RARB: variants seen among roughly 807,000 people sequenced by gnomAD.
RARB encodes HBV-activated protein.
RARB carries 17 observed loss-of-function variants against 51.9 expected under a neutral mutation model. The observed-to-expected ratio is 0.33, with a 90% CI of 0.22 to 0.49. RARB has a LOEUF of 0.49. RARB is among the 20% of genes least tolerant of loss of function. The pLI, the probability that RARB is intolerant of heterozygous loss-of-function variation, is 0.99. For synonymous variants in RARB, 215 were observed against 195.4 expected, an observed-to-expected ratio of 1.10 and a Z score of -0.84; for missense variants, 369 against 550.8, an observed-to-expected ratio of 0.67 and a Z score of 3.30.
intron 5 of RARB, among the ~76,000 whole-genome samples, chr3:25,421,870 A>G (rs936048314): frequency 6.6e-6 from 1 of 152,190 alleles, no homozygotes; most frequent in Non-Finnish European, 1.5e-5. Flanking sequence ...GTTTAAACAC[A>G]GGTAGTGTCT....
chr3:25,166,333 G>A (rs1700560961), intron 4 of RARB, among the ~76,000 whole-genome samples: 1 of 152,162 alleles, frequency 6.6e-6, no homozygotes, highest in Admixed American at 6.6e-5. Context: ...AGCAGCAAAA[G>A]CAACTGACAG....
At chr3:24,964,854 G>A (rs753709169) in intron 2 of RARB, among the ~76,000 whole-genome samples, 40 of 152,128 alleles carry the variant, frequency 2.6e-4, no homozygotes, top group Non-Finnish European at 2.8e-4. Flanking sequence ...TAATAGCAGG[G>A]CTATTGGGTA....
At position 25,442,287 on chromosome 3, in the gene RARB, T is replaced by C. The variant is rs571321308; in HGVS notation, c.157+13399T>C. Among the ~76,000 whole-genome samples, 384 of 152,044 alleles carry C rather than the reference T, an allele frequency of 2.5e-3. 1 individual carries two copies. Among genetic ancestry groups the C allele is most frequent in the African/African-American group, 8.9e-3 (369 of 41,516 alleles). On this transcript the variant is annotated intron_variant, in intron 1 of 7. Coordinates refer to ENST00000330688, the MANE Select transcript of RARB (RefSeq NM_000965.5). ...AGTAGCTGGGATTACAGGAGCGCGC[T>C]ACCACGCCCAGCTAATTTTTGTGTT...
intron 5 of RARB, among the ~76,000 whole-genome samples, chr3:25,311,509 T>C (rs1205042267): frequency 6.6e-6 from 1 of 152,256 alleles, no homozygotes; most frequent in Non-Finnish European, 1.5e-5. Flanking sequence ...TTATAGTTTT[T>C]ATTTAATTAA....
At position 25,106,478 on chromosome 3, in the gene RARB, T is replaced by G. The variant is rs531309736; in HGVS notation, c.-327-25683T>G. 5.9e-3 allele frequency among the ~76,000 whole-genome samples: 821 copies of G among 138,462 alleles called. 40 individuals are homozygous for G. The highest frequency in any genetic ancestry group is 0.022 in the Middle Eastern group (6 of 276). 90.8% of individuals were successfully genotyped at this position (138,462 alleles called of 152,430 possible). On this transcript the variant is annotated intron_variant, in intron 3 of 11. Coordinates refer to the RARB transcript ENST00000383772. ...TTTTTGTTTTTTTTTGTTTTGTTTTTTTTTTGTAGAGACAGGGTTTTGCCA... is the reference window on the plus strand; with the variant it reads ...TTTTTGTTTTTTTTTGTTTTGTTTTGTTTTTGTAGAGACAGGGTTTTGCCA...
intron 2 of RARB, among the ~76,000 whole-genome samples, chr3:24,986,798 A>C (rs4858136): frequency 0.75 from 114,475 of 151,974 alleles, 43,527 homozygotes; most frequent in East Asian, 0.93. Flanking sequence ...CGCAGCCTTC[A>C]CCCTGTTAAC....
At chr3:24,972,890 C>T (rs1215924746) in intron 2 of RARB, among the ~76,000 whole-genome samples, 1 of 151,904 alleles carries the variant, frequency 6.6e-6, no homozygotes, top group African/African-American at 2.4e-5. Flanking sequence ...AATCCCTTGT[C>T]ATATAGTTTG....
intron 2 of RARB, among the ~76,000 whole-genome samples, chr3:24,906,476 T>C (rs965026593): frequency 2.2e-4 from 33 of 152,184 alleles, no homozygotes; most frequent in African/African-American, 7.7e-4. Flanking sequence ...TGAGTGTGAA[T>C]TGGAATACTG....
chr3:24,962,052 C>T (rs575428358), intron 2 of RARB, among the ~76,000 whole-genome samples: 16 of 150,124 alleles, frequency 1.1e-4, no homozygotes, highest in East Asian at 2.0e-4. Flanking sequence ...TCCTCAGCCT[C>T]CCAAGTAGCT....
At chr3:24,895,378 G>A (rs981968978) in intron 2 of RARB, among the ~76,000 whole-genome samples, 2 of 152,202 alleles carry the variant, frequency 1.3e-5, no homozygotes, top group Non-Finnish European at 2.9e-5. Flanking sequence ...CACCTGGAAA[G>A]TGGGTTAAAA....
At chr3:25,189,687 G>C (rs1456103665) in intron 5 of RARB, among the ~76,000 whole-genome samples, 1 of 152,098 alleles carries the variant, frequency 6.6e-6, no homozygotes, top group Non-Finnish European at 1.5e-5. Context: ...AGGAGTTCAA[G>C]ACCAGCCTGG....
Position 24,925,754 on chromosome 3 carries a change from A to AT in RARB, c.-380+67006dup. ...TATTAATAGAGATATCTTTCTTAGA[A>AT]TTTTCAGGTTCACAACTTTCAATAG... is the stretch of plus-strand genomic sequence containing the variant. On this transcript the variant is annotated intron_variant, in intron 2 of 11. Coordinates refer to the RARB transcript ENST00000383772. Among the ~76,000 whole-genome samples, 2 of 151,668 alleles carry AT rather than the reference A, an allele frequency of 1.3e-5. 1 individual carries two copies. The highest frequency in any genetic ancestry group is 4.8e-5 in the African/African-American group (2 of 41,376).
intron 2 of RARB, among the ~76,000 whole-genome samples, chr3:24,862,107 C>T (rs909082048): frequency 6.6e-6 from 1 of 152,168 alleles, no homozygotes; most frequent in African/African-American, 2.4e-5. Context: ...GTGTGAGACA[C>T]ACTGCTCTTC....
chr3:25,449,338 C>T (rs1245360127), intron 1 of RARB, among the ~76,000 whole-genome samples: 1 of 152,092 alleles, frequency 6.6e-6, no homozygotes, highest in African/African-American at 2.4e-5. Flanking sequence ...CCTGTGTTTG[C>T]TTCTGGGGGA....
intron 5 of RARB, among the ~76,000 whole-genome samples, chr3:25,415,029 A>G (rs2125502925): frequency 6.6e-6 from 1 of 152,196 alleles, no homozygotes; most frequent in African/African-American, 2.4e-5. Flanking sequence ...TTTAGTAGAG[A>G]CGGGGCTTCA....
intron 3 of RARB, among the ~76,000 whole-genome samples, chr3:25,553,940 T>C (rs1699943954): frequency 6.6e-6 from 1 of 152,110 alleles, no homozygotes; most frequent in African/African-American, 2.4e-5. Flanking sequence ...AGATTTTCTC[T>C]GGCTGACTTC....
chr3:25,518,543 A>G (rs1698273322), intron 3 of RARB, among the ~76,000 whole-genome samples: 1 of 152,180 alleles, frequency 6.6e-6, no homozygotes, highest in African/African-American at 2.4e-5. Context: ...ATAAAAAGGC[A>G]TGCAAAAGCA....
chr3:24,863,707 A>C (rs1056813580), intron 2 of RARB, among the ~76,000 whole-genome samples: 5 of 148,264 alleles, frequency 3.4e-5, no homozygotes, highest in Non-Finnish European at 6.0e-5. Context: ...AACAAGTTTG[A>C]CTTTTTTTTT....
intron 5 of RARB, among the ~76,000 whole-genome samples, chr3:25,300,760 C>G (rs1331056378): frequency 6.6e-6 from 1 of 151,990 alleles, no homozygotes; most frequent in Non-Finnish European, 1.5e-5. Flanking sequence ...GAGGCCGAGG[C>G]GGGCGGATTG....
Sources: allele counts gnomAD v4.1 joint callset (sites outside exome capture counted in the v4.1 genomes callset), GRCh38; gene constraint gnomAD v4.1.1; transcripts MANE v1.5; gene names NCBI Gene and HGNC (gene_info 2026-07-23, HGNC 2026-07-21).